Variants in ACTL8 observed in about 807,000 individuals in gnomAD.
The protein encoded by ACTL8 is actin like 8.
In ACTL8, 3 loss-of-function variants were observed where a neutral mutation model predicts 9.3. The observed-to-expected ratio is 0.32, with a 90% CI of 0.15 to 0.83. The LOEUF is 0.83. Ranked by LOEUF, ACTL8 falls within the 40% of genes least tolerant of loss-of-function variation. ACTL8 has a pLI of 0.57. For missense variants in ACTL8, 381 were observed against 492.2 expected (o/e 0.77, Z 2.14); for synonymous variants, 224 against 205.9 (o/e 1.09, Z -0.75).
chr1:17,777,860 G>T (rs1250203676), intron 1 of ACTL8, among the ~76,000 whole-genome samples: 1 of 152,168 alleles, frequency 6.6e-6, no homozygotes, highest in African/African-American at 2.4e-5. Flanking sequence ...ACCATGCCCG[G>T]CTAATTTTTG....
At chr1:17,816,650 T>C (rs2066428165) in intron 1 of ACTL8, among the ~76,000 whole-genome samples, 1 of 152,220 alleles carries the variant, frequency 6.6e-6, no homozygotes. Context: ...AACTCCGTCT[T>C]GTCCTTTGTG....
chr1:17,813,236 G>T (rs1051587260), intron 1 of ACTL8, among the ~76,000 whole-genome samples: 1 of 152,190 alleles, frequency 6.6e-6, no homozygotes, highest in Non-Finnish European at 1.5e-5. Context: ...TAGGGAGAAA[G>T]CATCCTACTT....
intron 1 of ACTL8, among the ~76,000 whole-genome samples, chr1:17,807,425 C>CCTCAGTTTCCTTATGAAA (rs1318798530): frequency 6.6e-6 from 1 of 152,120 alleles, no homozygotes; most frequent in South Asian, 2.1e-4. Context: ...CCCAACTGTG[C>CCTCAGTTTCCTTATGAAA]CTCAGTTTCC....
At chr1:17,819,821 G>A (rs1005543141) in intron 1 of ACTL8, among the ~76,000 whole-genome samples, 4 of 151,848 alleles carry the variant, frequency 2.6e-5, no homozygotes, top group Admixed American at 6.6e-5. Context: ...GCTTGAGCCC[G>A]GGAGTTTGAG....
rs2066053824 is a variant in ACTL8, at chr1:17,767,617, G to A, written c.-25+12113G>A. ...CCAGTGGTTATTTGGTGCGCAGTAA[G>A]CCCTTTGCTTTTTGGGTATTGACTG... On this transcript the variant is annotated intron_variant, in intron 1 of 2. Coordinates refer to ENST00000375406, the MANE Select transcript of ACTL8 (RefSeq NM_030812.3). The surrounding 1 kb of genome is among the most constrained non-coding windows in gnomAD (Gnocchi z 4.7). Among the ~76,000 whole-genome samples, 1 of 152,136 alleles carries A rather than the reference G, an allele frequency of 6.6e-6. No homozygotes were observed.
Position 17,823,028 on chromosome 1 carries a change from T to C in ACTL8, c.20T>C (p.Ile7Thr). The stretch of plus-strand genomic sequence containing the variant: ...TCCGCCATGGCTGCAAGAACCGTTA[T>C]CATTGACCACGGGTCTGGCTTTTTG... MAARTV[I>T]IDHGSGFLKA... is the part of the protein sequence containing the mutation. Residue 7 changes from isoleucine to threonine, a missense_variant, in exon 2 of 3, where the codon ATC becomes ACC. Around this residue, in one of 3 missense-constraint regions of ACTL8, gnomAD observed 125 missense variants for 180.7 expected, o/e 0.69. Transcript: ENST00000375406. The surrounding 1 kb of genome is among the most constrained non-coding windows in gnomAD (Gnocchi z 5.3). The C allele has an allele frequency of 6.2e-7, 1 of 1,614,026 alleles. No individual in the cohort carries two copies. The highest frequency in any genetic ancestry group is 1.1e-5 in the South Asian group (1 of 91,076).
chr1:17,780,653 A>T (rs2066147880), intron 1 of ACTL8, among the ~76,000 whole-genome samples: 2 of 146,442 alleles, frequency 1.4e-5, no homozygotes, highest in Admixed American at 1.4e-4. Flanking sequence ...GTGTGAGCCG[A>T]TGGTGACTGA....
intron 1 of ACTL8, among the ~76,000 whole-genome samples, chr1:17,783,355 T>TG (rs2066170610): frequency 7.9e-6 from 1 of 126,076 alleles, no homozygotes; most frequent in East Asian, 3.0e-4. Context: ...TTGTTTTGTT[T>TG]TTTTTTTTTA....
At chr1:17,807,514 C>T (rs896399283) in intron 1 of ACTL8, among the ~76,000 whole-genome samples, 4 of 152,176 alleles carry the variant, frequency 2.6e-5, no homozygotes, top group African/African-American at 7.2e-5. Flanking sequence ...GTTGGCCTGG[C>T]GTTTGGATCA....
At chr1:17,761,965 G>A (rs530047042) in intron 1 of ACTL8, among the ~76,000 whole-genome samples, 1 of 152,006 alleles carries the variant, frequency 6.6e-6, no homozygotes, top group Non-Finnish European at 1.5e-5. Context: ...GGAAGGTCTC[G>A]GGGGTCCATG....
chr1:17,762,858 C>A (rs1466525742), intron 1 of ACTL8, among the ~76,000 whole-genome samples: 1 of 152,162 alleles, frequency 6.6e-6, no homozygotes, highest in Non-Finnish European at 1.5e-5. Context: ...TCTGCGTGGC[C>A]TCCCGGGGAC....
chr1:17,760,816 G>A (rs756459686), intron 1 of ACTL8, among the ~76,000 whole-genome samples: 6 of 152,134 alleles, frequency 3.9e-5, no homozygotes, highest in East Asian at 1.9e-4. Flanking sequence ...TCCAAGCCCC[G>A]AGCTGCTGTG....
At chr1:17,798,667 T>C (rs59967176) in intron 1 of ACTL8, among the ~76,000 whole-genome samples, 6,572 of 152,302 alleles carry the variant, frequency 0.043, 489 homozygotes, top group African/African-American at 0.15. Context: ...GCAAAACTGC[T>C]TTTTAAAAAA....
chr1:17,762,547 C>T (rs2066014290), intron 1 of ACTL8, among the ~76,000 whole-genome samples: 2 of 152,182 alleles, frequency 1.3e-5, no homozygotes, highest in Non-Finnish European at 2.9e-5. Context: ...AGGTAGGTCT[C>T]ACCGTGGGTC....
chr1:17,784,128 C>T lies in ACTL8; in HGVS notation c.-25+28624C>T, dbSNP rs1049672123. On this transcript the variant is annotated intron_variant, in intron 1 of 2. Transcript: ENST00000375406. ...TTGACTCACAGTTCTGGAGGCTGTA[C>T]GGGAACCATGGTTAGGGAGGCCTCA... Among the ~76,000 whole-genome samples the T allele has an allele frequency of 1.3e-4, 20 of 152,228 alleles. No homozygotes were observed. The South Asian group carries it at 2.9e-3, about 22-fold the overall frequency.
At chr1:17,819,709 A>C (rs903614470) in intron 1 of ACTL8, among the ~76,000 whole-genome samples, 1 of 152,118 alleles carries the variant, frequency 6.6e-6, no homozygotes, top group African/African-American at 2.4e-5. Context: ...GAATATTCCC[A>C]CACCCGCTGG....
At chr1:17,795,714 A>G (rs998772588) in intron 1 of ACTL8, among the ~76,000 whole-genome samples, 1 of 152,186 alleles carries the variant, frequency 6.6e-6, no homozygotes, top group Non-Finnish European at 1.5e-5. Flanking sequence ...ACTAGAGGTT[A>G]GATAGGTGCA....
intron 1 of ACTL8, among the ~76,000 whole-genome samples, chr1:17,802,234 C>T (rs369257882): frequency 3.3e-5 from 5 of 152,278 alleles, no homozygotes; most frequent in East Asian, 1.9e-4. Flanking sequence ...CTCCTTCTGT[C>T]GACAGCACTA....
intron 2 of ACTL8, among the ~76,000 whole-genome samples, chr1:17,825,288 T>C (rs942417856): frequency 1.3e-5 from 2 of 152,196 alleles, no homozygotes; most frequent in African/African-American, 4.8e-5. Flanking sequence ...CTTCCTTCCT[T>C]TCCTTTTTCC....
Sources: gnomAD v4.1 joint callset for allele counts (sites outside exome capture counted in the v4.1 genomes callset) on GRCh38, gnomAD v4.1.1 for gene constraint, gnomAD v4.1.1 regional missense constraint, Gnocchi (gnomAD v3.1) non-coding constraint, MANE v1.5 for transcripts, NCBI Gene and HGNC (gene_info 2026-07-23, HGNC 2026-07-21) for gene names.